Variants in PDZD9 observed in about 807,000 individuals in gnomAD.
The protein encoded by PDZD9 is PDZ domain containing 9, also known as PDZ domain-containing protein 9.
In PDZD9, 13 loss-of-function variants were observed where a neutral mutation model predicts 16.3. That is an observed-to-expected ratio of 0.80 (90% confidence interval 0.52 to 1.27). The LOEUF is 1.27. Ranked by LOEUF, PDZD9 falls within the 50% of genes most tolerant of loss-of-function variation. PDZD9 has a pLI of 0.00. For missense variants in PDZD9, 288 were observed against 310.9 expected (o/e 0.93, Z 0.55); for synonymous variants, 120 against 111.0 (o/e 1.08, Z -0.51).
At chr16:21,982,126 C>T (rs1432049787), downstream of PDZD9, among the ~76,000 whole-genome samples, 1 of 152,050 alleles carries the variant, frequency 6.6e-6, no homozygotes, top group Non-Finnish European at 1.5e-5. Flanking sequence ...AGGTGTGAAT[C>T]AACGCGCCCA....
chr16:21,973,887 A>G, the PDZD9 span: 190 of 1,611,948 alleles, frequency 1.2e-4, 1 homozygote, highest in South Asian at 1.0e-3. Context: ...AAGTCTCATT[A>G]TCTTTCAGGT....
the PDZD9 span, chr16:21,962,812 T>C: frequency 6.2e-7 from 1 of 1,614,156 alleles, no homozygotes; most frequent in Non-Finnish European, 8.5e-7. Flanking sequence ...CAGAATTTCG[T>C]CGTTGGGAAG....
chr16:21,976,147 A>G, the PDZD9 span: 6 of 1,607,424 alleles, frequency 3.7e-6, no homozygotes, highest in South Asian at 1.1e-5. Flanking sequence ...CAGATGACCA[A>G]CTTTTCTTAT....
the PDZD9 span, chr16:21,968,446 T>C: frequency 6.5e-6 from 3 of 458,066 alleles, no homozygotes; most frequent in African/African-American, 2.0e-5. Context: ...TCTAGTTCTT[T>C]TAAGCAATAG....
chr16:21,968,111 C>T, the PDZD9 span, among the ~76,000 whole-genome samples: 4 of 150,882 alleles, frequency 2.7e-5, no homozygotes, highest in Admixed American at 6.6e-5. Context: ...AAACAATTCT[C>T]GTGCCTCAGC....
At chr16:21,965,854 G>A in the PDZD9 span, among the ~76,000 whole-genome samples, 1 of 151,990 alleles carries the variant, frequency 6.6e-6, no homozygotes, top group Admixed American at 6.6e-5. Context: ...TATCTTTTTT[G>A]TTTGTTTGTT....
downstream of PDZD9, chr16:21,983,015 A>AAAATAAGT: frequency 7.0e-7 from 1 of 1,429,566 alleles, no homozygotes. Flanking sequence ...TTGAAATGAC[A>AAAATAAGT]AAATAAGTTC....
chr16:21,974,174 A>G, the PDZD9 span, among the ~76,000 whole-genome samples: 2 of 152,192 alleles, frequency 1.3e-5, no homozygotes, highest in African/African-American at 2.4e-5. Flanking sequence ...AGGAAAGAGG[A>G]GAGAATTGCC....
At chr16:21,971,568 C>T in the PDZD9 span, 2 of 1,614,064 alleles carry the variant, frequency 1.2e-6, no homozygotes, top group East Asian at 4.5e-5. Flanking sequence ...AACAGTTTCT[C>T]AACATGAGGG....
intron 3 of PDZD9, among the ~76,000 whole-genome samples, chr16:21,987,574 G>A (rs942976343): frequency 2.6e-5 from 4 of 152,194 alleles, no homozygotes; most frequent in African/African-American, 9.7e-5. Flanking sequence ...GGGGAGTGTG[G>A]TGTCACAGAA....
the PDZD9 span, chr16:21,962,997 T>G: frequency 1.5e-6 from 2 of 1,338,666 alleles, no homozygotes; most frequent in South Asian, 3.2e-5. Flanking sequence ...TTTTATTTAT[T>G]TATTGTTTTG....
the PDZD9 span, chr16:21,973,990 T>C: frequency 8.8e-6 from 14 of 1,592,708 alleles, no homozygotes; most frequent in East Asian, 2.7e-4. Context: ...AGTTGCAAAC[T>C]CACCAAACTT....
chr16:21,983,149 C>T (rs1898776968), downstream of PDZD9: 1 of 1,614,056 alleles, frequency 6.2e-7, no homozygotes, highest in Non-Finnish European at 8.5e-7. Flanking sequence ...TTGGGACATA[C>T]ACCTTTTGTT....
intron 2 of PDZD9, chr16:21,995,311 G>A: frequency 2.2e-6 from 1 of 450,494 alleles, no homozygotes; most frequent in Non-Finnish European, 4.4e-6. Flanking sequence ...TGTACAGCCT[G>A]CAGAACCATG....
the PDZD9 span, among the ~76,000 whole-genome samples, chr16:21,964,836 A>G: frequency 2.6e-5 from 4 of 152,216 alleles, no homozygotes; most frequent in Admixed American, 6.5e-5. Context: ...CACCTAGCAC[A>G]GTGCCTCGCA....
At chr16:21,997,777 G>C (rs1899187506) in intron 1 of PDZD9, among the ~76,000 whole-genome samples, 1 of 152,156 alleles carries the variant, frequency 6.6e-6, no homozygotes, top group South Asian at 2.1e-4. Context: ...ACTCCTTTTC[G>C]GTACACAGGA....
chr16:21,961,797 G>A, the PDZD9 span, among the ~76,000 whole-genome samples: 611 of 150,986 alleles, frequency 4.0e-3, 5 homozygotes, highest in Middle Eastern at 0.048. Flanking sequence ...GATTACAGGC[G>A]TGCGCCACCA....
At chr16:21,974,784 C>G in the PDZD9 span, among the ~76,000 whole-genome samples, 1 of 152,146 alleles carries the variant, frequency 6.6e-6, no homozygotes, top group Non-Finnish European at 1.5e-5. Context: ...TGGCTCAAGT[C>G]TGAGAAAGGA....
the PDZD9 span, among the ~76,000 whole-genome samples, chr16:21,974,885 A>G: frequency 6.6e-6 from 1 of 152,226 alleles, no homozygotes; most frequent in Non-Finnish European, 1.5e-5. Flanking sequence ...GTACCTCCTC[A>G]GTGAGACAGG....
Sources: allele counts gnomAD v4.1 joint callset (sites outside exome capture counted in the v4.1 genomes callset), GRCh38; gene constraint gnomAD v4.1.1; transcripts MANE v1.5; gene names NCBI Gene and HGNC (gene_info 2026-07-23, HGNC 2026-07-21).